The following CSMD2 variants were observed in gnomAD, a reference collection of about 807,000 sequenced individuals.
CSMD2 encodes CUB and Sushi multiple domains 2.
CSMD2 carries 130 observed loss-of-function variants against 398.5 expected under a neutral mutation model. That is an observed-to-expected ratio of 0.33 (90% confidence interval 0.28 to 0.38). The LOEUF (loss-of-function observed/expected upper bound fraction) is 0.38, where lower values mean the gene tolerates loss of function less well. Ranked by LOEUF, CSMD2 falls within the 10% of genes least tolerant of loss-of-function variation. The pLI, the probability that CSMD2 is intolerant of heterozygous loss-of-function variation, is 1.00. For synonymous variants in CSMD2, 1,828 were observed against 1,908.5 expected (o/e 0.96, Z 1.10); for missense variants, 3,829 against 4,764.9 (o/e 0.80, Z 5.78).
rs1646985370 is a variant in CSMD2, at chr1:33,739,390, C to T, written c.2174-56G>A. 1.7e-5 allele frequency: 26 copies of T among 1,492,550 alleles called. No homozygotes were observed. In the South Asian group the frequency reaches 2.4e-4, roughly 14 times the overall value. 92.5% of individuals were successfully genotyped at this position (1,492,550 alleles called of 1,614,324 possible). On this transcript the variant is annotated intron_variant, in intron 14 of 70. Coordinates refer to ENST00000373381, the MANE Select transcript of CSMD2 (RefSeq NM_001281956.2). ...GACATTGCTGGAGTAGAGAAGAATC[C>T]CTAAAGAAAATTAGCTTCCTTGGGA...
chr1:33,717,029 G>A (rs1277589394), intron 19 of CSMD2, among the ~76,000 whole-genome samples: 2 of 152,128 alleles, frequency 1.3e-5, no homozygotes. Context: ...CTTCACCAAG[G>A]AGTAAACAAT....
Position 33,519,641 on chromosome 1 carries a change from G to A in CSMD2, c.10773C>T (p.Gly3591=). The part of the protein sequence containing the change: ...RPKVPFNGYA[G]HENTNVRATF... ...TGGCCCGAACATTGGTGTTCTCGTG[G>A]CCAGCATAGCCATTGAAAGGAACTT... The change falls in exon 70 of 71, where the codon GGC becomes GGT. Residue 3591 remains glycine (G), a synonymous_variant. Transcript: ENST00000373381. This position sits in a 1 kb window ranked among gnomAD's most constrained non-coding sequence, Gnocchi z 5.6. 1 of 1,614,092 alleles carries A rather than the reference G, an allele frequency of 6.2e-7. No individual in the cohort carries two copies. Among genetic ancestry groups the A allele is most frequent in the Non-Finnish European group, 8.5e-7 (1 of 1,180,016 alleles).
At position 33,652,445 on chromosome 1, in the gene CSMD2, G is replaced by C; in HGVS notation, c.4464C>G (p.Asp1488Glu). The change falls in exon 28 of 71, where the codon GAC becomes GAG. Residue 1488 changes from aspartate to glutamate, a missense_variant. Physicochemically the swap from Asp to Glu is conservative, Grantham distance 45. Around this residue, in one of 5 missense-constraint regions of CSMD2, gnomAD observed 2,001 missense variants for 2,567.1 expected, o/e 0.78. Transcript: ENST00000373381. ...GGATGACTCCAGATGGTCCTGTCAG[G>C]TCTCCCCCGCAGGGAGCTGAGGAGA... ...PPTCIAPCGG[D>E]LTGPSGVILS... is the part of the protein sequence containing the mutation. 6.2e-7 allele frequency: 1 copy of C among 1,614,164 alleles called. No individual in the cohort carries two copies. The highest frequency in any genetic ancestry group is 8.5e-7 in the Non-Finnish European group (1 of 1,180,018).
rs542175192 is a variant in CSMD2 at position 33,574,466 on chromosome 1, G to A, written c.7577-1775C>T. 4.6e-5 allele frequency among the ~76,000 whole-genome samples: 7 copies of A among 152,276 alleles called. No individual in the cohort carries two copies. In the East Asian group the frequency reaches 5.8e-4, roughly 13 times the overall value. ...GTATTACAGATGGAAAGATTAATCC[G>A]TCAAAGTACCCACTACTGCCTCCAT... On this transcript the variant is annotated intron_variant, in intron 49 of 70. Transcript: ENST00000373381.
rs143799668 is a variant in CSMD2 at position 33,929,500 on chromosome 1, T to G, written c.712+6260A>C. Among the ~76,000 whole-genome samples, 172 of 145,078 alleles carry G rather than the reference T, an allele frequency of 1.2e-3. 1 individual carries two copies. Among genetic ancestry groups the G allele is most frequent in the Non-Finnish European group, 2.1e-3 (142 of 66,968 alleles). ...TCACTCAGGTTGGAGTGCAGTGGCA[T>G]GATCTCAGCTCACTGAAACCTCCAC... On this transcript the variant is annotated intron_variant, in intron 4 of 70. Transcript: ENST00000373381.
intron 5 of CSMD2, among the ~76,000 whole-genome samples, chr1:33,906,376 A>G (rs1295038107): frequency 2.6e-5 from 4 of 152,206 alleles, no homozygotes; most frequent in African/African-American, 9.6e-5. Context: ...CATTTTAATT[A>G]AGCCATTCTC....
At chr1:33,655,440 G>A (rs1643918270) in intron 27 of CSMD2, among the ~76,000 whole-genome samples, 1 of 152,196 alleles carries the variant, frequency 6.6e-6, no homozygotes, top group South Asian at 2.1e-4. Flanking sequence ...ATGCTAGATG[G>A]TAAGTACTAC....
At chr1:33,910,093 C>G (rs977153036) in intron 5 of CSMD2, among the ~76,000 whole-genome samples, 1 of 150,524 alleles carries the variant, frequency 6.6e-6, no homozygotes, top group Non-Finnish European at 1.5e-5. Context: ...CCTGCAGAGT[C>G]ACAAAAAAAG....
chr1:34,126,784 C>T (rs887831686), intron 1 of CSMD2, among the ~76,000 whole-genome samples: 1 of 75,608 alleles, frequency 1.3e-5, no homozygotes, highest in Admixed American at 1.8e-4. Flanking sequence ...AGGAGAGACT[C>T]GGGGAGAGAG....
chr1:33,826,516 C>A (rs879040754), intron 6 of CSMD2, among the ~76,000 whole-genome samples: 3 of 152,240 alleles, frequency 2.0e-5, no homozygotes, highest in Non-Finnish European at 1.5e-5. Context: ...GCCCAGCCTA[C>A]ATAAGCCAAC....
At chr1:33,590,578 G>A (rs368034465) in intron 44 of CSMD2, among the ~76,000 whole-genome samples, 62 of 135,932 alleles carry the variant, frequency 4.6e-4, no homozygotes, top group Admixed American at 1.2e-3. Context: ...TTACAGACAC[G>A]CCCTCCCTAT....
chr1:33,557,821 A>G lies in CSMD2; in HGVS notation c.8656T>C (p.Cys2886Arg). ...FSFGTTVSYR[C>R]NHGFYLLGTP... ...CCCAGGAGGTAGAAGCCGTGGTTGC[A>G]CCGGTAAGACACAGTGGTGCCGAAG... The change falls in exon 55 of 71, where the codon TGC (cysteine) becomes CGC (arginine). Residue 2886 changes from cysteine (C) to arginine (R), a missense_variant. Physicochemically the swap from Cys to Arg is radical, Grantham distance 180. Around this residue, in one of 5 missense-constraint regions of CSMD2, gnomAD observed 917 missense variants for 1,199.5 expected, o/e 0.76. Coordinates refer to ENST00000373381, the MANE Select transcript of CSMD2 (RefSeq NM_001281956.2). 2 of 1,536,074 alleles carry G rather than the reference A, an allele frequency of 1.3e-6. No individual in the cohort carries two copies. Among genetic ancestry groups the G allele is most frequent in the Non-Finnish European group, 1.7e-6 (2 of 1,146,894 alleles).
At chr1:33,669,220 G>A (rs1644412558) in intron 25 of CSMD2, among the ~76,000 whole-genome samples, 1 of 152,136 alleles carries the variant, frequency 6.6e-6, no homozygotes, top group South Asian at 2.1e-4. Flanking sequence ...CTTTTAATTT[G>A]AAGAGGCAAG....
At position 33,623,480 on chromosome 1, in the gene CSMD2, A is replaced by C. The variant is rs748804139; in HGVS notation, c.5626-14T>G. ...GACAACTTGGATCTGGGAAGGGAGAAGAGTGAATTGTTGGTTAGGCAGCCT... is the reference window on the plus strand; with the variant it reads ...GACAACTTGGATCTGGGAAGGGAGACGAGTGAATTGTTGGTTAGGCAGCCT... On this transcript the variant is annotated splice_polypyrimidine_tract_variant and intron_variant, in intron 35 of 70. Transcript: ENST00000373381. 2 of 1,606,910 alleles carry C rather than the reference A, an allele frequency of 1.2e-6. No homozygotes were observed. The highest frequency in any genetic ancestry group is 3.3e-5 in the Admixed American group (2 of 60,004).
At position 34,139,103 on chromosome 1, in the gene CSMD2, C is replaced by G. The variant is rs1299094885; in HGVS notation, c.187+25808G>C. ...ATACTACTACCATTTGAATGTTTGTCCCATCCAAAACTTGTGCTGAAACTT... is the reference window on the plus strand; with the variant it reads ...ATACTACTACCATTTGAATGTTTGTGCCATCCAAAACTTGTGCTGAAACTT... On this transcript the variant is annotated intron_variant, in intron 1 of 70. Coordinates refer to ENST00000373381, the MANE Select transcript of CSMD2 (RefSeq NM_001281956.2). 5.9e-5 allele frequency among the ~76,000 whole-genome samples: 9 copies of G among 152,124 alleles called. No homozygotes were observed. The East Asian group carries it at 1.7e-3, about 29-fold the overall frequency.
chr1:33,736,722 C>G (rs1437479110), intron 15 of CSMD2, among the ~76,000 whole-genome samples: 1 of 152,178 alleles, frequency 6.6e-6, no homozygotes, highest in Non-Finnish European at 1.5e-5. Flanking sequence ...GGGAATCTGG[C>G]CTTCTGCCCT....
At chr1:34,024,196 A>G (rs1649321017) in intron 3 of CSMD2, among the ~76,000 whole-genome samples, 1 of 152,190 alleles carries the variant, frequency 6.6e-6, no homozygotes, top group South Asian at 2.1e-4. Flanking sequence ...TCTTTCTTGT[A>G]TCCTCAAAGC....
chr1:33,591,113 C>A (rs6673788), intron 44 of CSMD2, among the ~76,000 whole-genome samples: 1 of 151,280 alleles, frequency 6.6e-6, no homozygotes, highest in Non-Finnish European at 1.5e-5. Flanking sequence ...CTCACCCTCC[C>A]GAGTAGCTGG....
chr1:33,568,533 T>C (rs115993587), intron 52 of CSMD2, among the ~76,000 whole-genome samples: 1,700 of 152,298 alleles, frequency 0.011, 43 homozygotes, highest in African/African-American at 0.039. Flanking sequence ...GAGGGCACCA[T>C]TGTCTACATT....
Sources: allele counts gnomAD v4.1 joint callset (sites outside exome capture counted in the v4.1 genomes callset), GRCh38; gene constraint gnomAD v4.1.1; regional missense constraint gnomAD v4.1.1; non-coding constraint Gnocchi (gnomAD v3.1); transcripts MANE v1.5; gene names NCBI Gene and HGNC (gene_info 2026-07-23, HGNC 2026-07-21).